The following GLA variants were observed in gnomAD, a reference collection of about 807,000 sequenced individuals.
GLA encodes the protein galactosidase alpha.
In GLA, 4 loss-of-function variants were observed where a neutral mutation model predicts 28.2. The ratio of observed to expected loss-of-function variants is 0.14; its 90% confidence interval spans 0.07 to 0.32. GLA has a LOEUF of 0.32. GLA is among the 10% of genes least tolerant of loss of function. GLA has a pLI of 1.00. For missense variants in GLA, 203 were observed against 323.7 expected, an observed-to-expected ratio of 0.63 and a Z score of 2.86; for synonymous variants, 94 against 113.0, an observed-to-expected ratio of 0.83 and a Z score of 1.07.
Position 101,398,454 on chromosome X carries a change from A to G in GLA, c.915T>C (p.Pro305=), listed in dbSNP as rs782250167. ...TATCCTGAAGGAGAGCTTTGGCTTG[A>G]GGGCTGATGTGTCGGAGGTCATTAG... The part of the protein sequence containing the change: ...FMSNDLRHIS[P]QAKALLQDKD... The change falls in exon 6 of 7, where the codon CCT becomes CCC. Residue 305 remains proline (P), a synonymous_variant. Transcript: ENST00000218516. 8.3e-7 allele frequency: 1 copy of G among 1,207,314 alleles called. No individual in the cohort carries two copies. Among genetic ancestry groups the G allele is most frequent in the Non-Finnish European group, 1.1e-6 (1 of 891,478 alleles).
At chrX:101,407,462 G>A (rs1302069500) in intron 1 of GLA, among the ~76,000 whole-genome samples, 4 of 99,806 alleles carry the variant, frequency 4.0e-5, no homozygotes, top group African/African-American at 1.2e-4. Context: ...GAAGGAGAAC[G>A]AGAGAGAGAG....
In GLA at chrX:101,398,514, G is replaced by A. The variant is rs1928171123; in HGVS notation, c.855C>T (p.Ala285=). The change falls in exon 6 of 7, where the codon GCC becomes GCT. Residue 285 remains alanine, a synonymous_variant. Coordinates refer to ENST00000218516, the MANE Select transcript of GLA (RefSeq NM_000169.3). ...AAGGAGCAGCCATGATAGCCCAGAG[G>A]GCCATCTGAGTTACTTGCTGATTCC... is the stretch of plus-strand genomic sequence containing the variant. ...LSWNQQVTQM[A]LWAIMAAPLF... The A allele has an allele frequency of 8.3e-7, 1 of 1,208,153 alleles. No homozygotes were observed. Among genetic ancestry groups the A allele is most frequent in the Non-Finnish European group, 1.1e-6 (1 of 892,398 alleles).
At chrX:101,402,379 A>T (rs1555985959) in intron 2 of GLA, among the ~76,000 whole-genome samples, 1 of 111,786 alleles carries the variant, frequency 8.9e-6, no homozygotes, top group African/African-American at 3.3e-5. Flanking sequence ...TGACCCCCTC[A>T]ATCTGCTCAT....
intron 3 of GLA, 42 bp from the exon 4 acceptor site, chrX:101,400,799 A>ATTTC: frequency 1.4e-6 from 1 of 691,349 alleles, no homozygotes; most frequent in Non-Finnish European, 2.3e-6. Flanking sequence ...AAAGAAATGA[A>ATTTC]TTTCCAGCTG....
chrX:101,405,691 C>T (rs1020734357), intron 1 of GLA, among the ~76,000 whole-genome samples: 2 of 110,881 alleles, frequency 1.8e-5, no homozygotes, highest in Admixed American at 9.6e-5. Flanking sequence ...GAGGCCAAGG[C>T]GGGCAGATCA....
rs2147476101 is a variant in GLA at position 101,400,729 on chromosome X, A to G, written c.576T>C (p.Asn192=). ...AGTACACAATGCTTCTGCCAGTCCT[A>G]TTCAGGGCCAAGGACATGTGCTTAT... The part of the protein sequence containing the change: ...DGYKHMSLAL[N]RTGRSIVYSC... Residue 192 remains asparagine, a synonymous_variant, in exon 4 of 7, where the codon AAT becomes AAC. Coordinates refer to ENST00000218516, the MANE Select transcript of GLA (RefSeq NM_000169.3). 8 of 1,178,462 alleles carry G rather than the reference A, an allele frequency of 6.8e-6. No individual in the cohort carries two copies. The highest frequency in any genetic ancestry group is 9.2e-6 in the Non-Finnish European group (8 of 865,072).
chrX:101,403,298 CA>C (rs1345659937), intron 2 of GLA, among the ~76,000 whole-genome samples: 1,037 of 32,785 alleles, frequency 0.032, 10 homozygotes, highest in African/African-American at 0.085. Context: ...GACTCCATCT[CA>C]AAAAAAAAAA....
chrX:101,398,983 A>G, intron 4 of GLA, 37 bp from the exon 5 acceptor site: 1 of 1,123,773 alleles, frequency 8.9e-7, no homozygotes, highest in Non-Finnish European at 1.2e-6. Flanking sequence ...TTTACTTTCT[A>G]CTAACATCCT....
intron 4 of GLA, 57 bp from the exon 5 acceptor site, chrX:101,399,003 A>G (rs869312363): frequency 6.7e-6 from 7 of 1,044,622 alleles, no homozygotes; most frequent in Non-Finnish European, 9.4e-6. Flanking sequence ...TTGTGAGATG[A>G]AAACAGTTTA....
At chrX:101,405,763 T>C (rs1928483704) in intron 1 of GLA, among the ~76,000 whole-genome samples, 1 of 106,664 alleles carries the variant, frequency 9.4e-6, no homozygotes, top group East Asian at 2.9e-4. Context: ...CTACTGAAAA[T>C]ACAAAAATTA....
rs553524538 is a variant in GLA, at chrX:101,405,739, G to A, written c.195-1754C>T. On this transcript the variant is annotated intron_variant, in intron 1 of 6. Coordinates refer to ENST00000218516, the MANE Select transcript of GLA (RefSeq NM_000169.3). The stretch of plus-strand genomic sequence containing the variant: ...AGTTCGAGACCAGCTTGGGCAACAT[G>A]GTGAAACCCGTCTCTACTGAAAATA... Among the ~76,000 whole-genome samples, 56 of 110,297 alleles carry A rather than the reference G, an allele frequency of 5.1e-4. No homozygotes were observed. The South Asian group carries it at 0.011, about 21-fold the overall frequency.
At position 101,407,632 on chromosome X, in the gene GLA, C is replaced by T. The variant is rs1928573052; in HGVS notation, c.194+78G>A. Reference sequence around the variant, plus strand: ...GCTCTCCCTCGGGCTCAACTGTTCCCGTTGAGACTCTCCAGTTCCCCAAAC... The same window carrying T: ...GCTCTCCCTCGGGCTCAACTGTTCCTGTTGAGACTCTCCAGTTCCCCAAAC... On this transcript the variant is annotated intron_variant, in intron 1 of 6. Coordinates refer to ENST00000218516, the MANE Select transcript of GLA (RefSeq NM_000169.3). 7 of 945,080 alleles carry T rather than the reference C, an allele frequency of 7.4e-6. No individual in the cohort carries two copies. The South Asian group carries it at 1.4e-4, about 18-fold the overall frequency. 77.9% of individuals were successfully genotyped at this position (945,080 alleles called of 1,213,427 possible).
chrX:101,403,301 A>G (rs1928383890), intron 2 of GLA, among the ~76,000 whole-genome samples: 2 of 107,533 alleles, frequency 1.9e-5, no homozygotes, highest in Non-Finnish European at 3.9e-5. Flanking sequence ...TCCATCTCAA[A>G]AAAAAAAAAA....
Position 101,401,605 on chromosome X carries a change from G to A in GLA, c.547+27C>T, listed in dbSNP as rs201275759. ...ATGGCCTCAAAGTTCTTTCCTTTGTGGCTAAATCTCTGGAATGAAACATTA... is the reference window on the plus strand; with the variant it reads ...ATGGCCTCAAAGTTCTTTCCTTTGTAGCTAAATCTCTGGAATGAAACATTA... On this transcript the variant is annotated intron_variant, in intron 3 of 6. Transcript: ENST00000218516. 9 of 1,183,975 alleles carry A rather than the reference G, an allele frequency of 7.6e-6. No individual in the cohort carries two copies. The Admixed American group carries it at 8.8e-5, about 12-fold the overall frequency.
rs1171073127 is a variant in GLA, at chrX:101,397,905, T to C, written c.1194A>G (p.Glu398=). 2.5e-6 allele frequency: 3 copies of C among 1,207,661 alleles called. No individual in the cohort carries two copies. The highest frequency in any genetic ancestry group is 1.7e-5 in the African/African-American group (1 of 57,445). The change falls in exon 7 of 7, where the codon GAA becomes GAG. Residue 398 remains glutamate, a synonymous_variant. Coordinates refer to ENST00000218516, the MANE Select transcript of GLA (RefSeq NM_000169.3). ...LPVKRKLGFY[E]WTSRLRSHIN... ...TGTGACTTCTTAACCTTGAAGTCCA[T>C]TCATAGAACCCTAGCTTCCTTTTCA...
At chrX:101,404,057 C>A (rs1555986355) in intron 1 of GLA, 72 bp from the exon 2 acceptor site, 2 of 981,082 alleles carry the variant, frequency 2.0e-6, no homozygotes, top group African/African-American at 3.8e-5. Context: ...TTATTAGGCA[C>A]CTTGGGATTT....
chrX:101,401,388 T>A, intron 3 of GLA: 5 of 420,178 alleles, frequency 1.2e-5, no homozygotes, highest in Non-Finnish European at 2.1e-5. Flanking sequence ...TAATTAACTC[T>A]TAGAGCCCTC....
intron 4 of GLA, chrX:101,399,789 T>C (rs1252629732): frequency 9.0e-6 from 1 of 111,305 alleles, no homozygotes; most frequent in Non-Finnish European, 1.9e-5. Context: ...TACTTCCAAA[T>C]AGTGTGGAGC....
intron 4 of GLA, among the ~76,000 whole-genome samples, chrX:101,399,437 C>T (rs1398663508): frequency 1.8e-5 from 2 of 111,742 alleles, no homozygotes; most frequent in Non-Finnish European, 3.8e-5. Context: ...TGGTAGCGCA[C>T]GCCTATAATC....
Sources: allele counts gnomAD v4.1 joint callset (sites outside exome capture counted in the v4.1 genomes callset), GRCh38; gene constraint gnomAD v4.1.1; transcripts MANE v1.5; gene names NCBI Gene and HGNC (gene_info 2026-07-23, HGNC 2026-07-21).